The following DOK6 variants were observed in gnomAD, a reference collection of about 807,000 sequenced individuals.
The protein encoded by DOK6 is downstream of tyrosine kinase 6.
In DOK6, 22 loss-of-function variants were observed where a neutral mutation model predicts 44.0. The observed-to-expected ratio is 0.50, with a 90% CI of 0.36 to 0.71. The LOEUF (loss-of-function observed/expected upper bound fraction) is 0.71, where lower values mean the gene tolerates loss of function less well. Among genes scored for constraint, DOK6 ranks in the 30% least tolerant of loss-of-function variants. The probability of loss-of-function intolerance (pLI) is 0.00; values close to 1 mark genes in which losing one functional copy is unlikely to be tolerated. For missense variants in DOK6, 340 were observed against 416.4 expected, an observed-to-expected ratio of 0.82 and a Z score of 1.60; for synonymous variants, 166 against 145.5, an observed-to-expected ratio of 1.14 and a Z score of -1.01.
At chr18:69,513,397 C>G (rs185950326) in intron 1 of DOK6, among the ~76,000 whole-genome samples, 1 of 152,274 alleles carries the variant, frequency 6.6e-6, no homozygotes, top group African/African-American at 2.4e-5. Context: ...CACGCACACT[C>G]TCTCTCAGAG....
intron 3 of DOK6, among the ~76,000 whole-genome samples, chr18:69,633,593 A>G (rs1984737481): frequency 6.6e-6 from 1 of 152,178 alleles, no homozygotes; most frequent in Non-Finnish European, 1.5e-5. Flanking sequence ...AGTAAAACTA[A>G]TCAAAAATTT....
At chr18:69,549,406 A>AT (rs1008069392) in intron 1 of DOK6, among the ~76,000 whole-genome samples, 3 of 151,572 alleles carry the variant, frequency 2.0e-5, no homozygotes, top group African/African-American at 7.2e-5. Context: ...TCTTACTATC[A>AT]TAATGATACA....
intron 5 of DOK6, among the ~76,000 whole-genome samples, chr18:69,715,503 G>T (rs907746443): frequency 3.3e-5 from 5 of 152,214 alleles, no homozygotes; most frequent in African/African-American, 1.2e-4. Flanking sequence ...AGAGGCAGAG[G>T]CATCAATCAG....
At chr18:69,688,295 T>C (rs1183824156) in intron 4 of DOK6, among the ~76,000 whole-genome samples, 1 of 152,230 alleles carries the variant, frequency 6.6e-6, no homozygotes, top group East Asian at 1.9e-4. Flanking sequence ...ATAATCCCAG[T>C]AAACCAGACA....
rs549571311 is a variant in DOK6 at position 69,714,539 on chromosome 18, G to A, written c.599+15946G>A. On this transcript the variant is annotated intron_variant, in intron 5 of 7. Coordinates refer to ENST00000382713, the MANE Select transcript of DOK6 (RefSeq NM_152721.6). ...CAATATGCTCAAAAATAGTTTATGT[G>A]GAATAAGTAAAATAAACTTAGAACA... Among the ~76,000 whole-genome samples the A allele has an allele frequency of 2.0e-5, 3 of 152,122 alleles. No individual in the cohort carries two copies. The South Asian group carries it at 6.2e-4, about 32-fold the overall frequency.
intron 1 of DOK6, among the ~76,000 whole-genome samples, chr18:69,479,146 T>C (rs1182496297): frequency 1.3e-5 from 2 of 152,140 alleles, no homozygotes; most frequent in East Asian, 1.9e-4. Context: ...TAGTGGTTAT[T>C]ATAAACTAAA....
At chr18:69,556,174 C>T (rs546927419) in intron 1 of DOK6, among the ~76,000 whole-genome samples, 5 of 152,240 alleles carry the variant, frequency 3.3e-5, no homozygotes, top group African/African-American at 1.2e-4. Context: ...AGCCAAGATC[C>T]CTTCCTGACC....
chr18:69,759,124 A>G (rs1189565119), intron 7 of DOK6, among the ~76,000 whole-genome samples: 1 of 151,136 alleles, frequency 6.6e-6, no homozygotes, highest in Non-Finnish European at 1.5e-5. Context: ...TGTATGATAA[A>G]ATATTTAACA....
At chr18:69,624,338 T>G (rs994162299) in intron 3 of DOK6, among the ~76,000 whole-genome samples, 1 of 152,154 alleles carries the variant, frequency 6.6e-6, no homozygotes, top group Non-Finnish European at 1.5e-5. Flanking sequence ...ATATCTGAAG[T>G]ATTTTTAAGA....
At chr18:69,807,312 G>C (rs1981080988) in intron 7 of DOK6, among the ~76,000 whole-genome samples, 1 of 151,830 alleles carries the variant, frequency 6.6e-6, no homozygotes, top group Admixed American at 6.6e-5. Context: ...CAGAAAGTAA[G>C]AAATCAAAGT....
intron 2 of DOK6, among the ~76,000 whole-genome samples, chr18:69,595,781 G>A (rs1204751611): frequency 6.6e-6 from 1 of 152,058 alleles, no homozygotes; most frequent in Non-Finnish European, 1.5e-5. Context: ...TTATTTTGGT[G>A]CAAAAAATTT....
At chr18:69,795,128 A>T (rs576509329) in intron 7 of DOK6, among the ~76,000 whole-genome samples, 1 of 152,216 alleles carries the variant, frequency 6.6e-6, no homozygotes, top group African/African-American at 2.4e-5. Flanking sequence ...CCCTGGTGCT[A>T]AAAGGTTGTG....
intron 1 of DOK6, among the ~76,000 whole-genome samples, chr18:69,438,612 C>T (rs1010943641): frequency 1.3e-5 from 2 of 152,152 alleles, no homozygotes; most frequent in African/African-American, 4.8e-5. Flanking sequence ...ATGCTGAATC[C>T]TTTCCAGAAG....
intron 3 of DOK6, among the ~76,000 whole-genome samples, chr18:69,656,169 A>G (rs1985363403): frequency 6.6e-6 from 1 of 152,232 alleles, no homozygotes; most frequent in Non-Finnish European, 1.5e-5. Context: ...TGTTAGCAAC[A>G]ATAAGACAAA....
intron 3 of DOK6, among the ~76,000 whole-genome samples, chr18:69,616,869 T>G (rs1984297114): frequency 6.6e-6 from 1 of 152,226 alleles, no homozygotes; most frequent in South Asian, 2.1e-4. Flanking sequence ...TTGAATATTT[T>G]TATGCATATA....
chr18:69,584,779 G>GT (rs1016391050), intron 2 of DOK6, among the ~76,000 whole-genome samples: 38 of 147,052 alleles, frequency 2.6e-4, no homozygotes, highest in South Asian at 6.6e-4. Flanking sequence ...CAAGTTTTCT[G>GT]TTTTTTTTTC....
chr18:69,765,278 G>C (rs531034739), intron 7 of DOK6, among the ~76,000 whole-genome samples: 1 of 152,140 alleles, frequency 6.6e-6, no homozygotes, highest in Non-Finnish European at 1.5e-5. Flanking sequence ...GTAAAATGAA[G>C]CCTGATAGCC....
intron 7 of DOK6, among the ~76,000 whole-genome samples, chr18:69,762,639 CTT>C (rs1177211692): frequency 1.3e-5 from 2 of 152,176 alleles, no homozygotes; most frequent in African/African-American, 4.8e-5. Flanking sequence ...AAGCAGAAAA[CTT>C]TCATATATTT....
At chr18:69,778,285 C>T (rs1980143188) in intron 7 of DOK6, among the ~76,000 whole-genome samples, 1 of 152,030 alleles carries the variant, frequency 6.6e-6, no homozygotes, top group Admixed American at 6.6e-5. Flanking sequence ...AACTCAGGTC[C>T]TCCTAGAAGC....
Sources: allele counts gnomAD v4.1 joint callset (sites outside exome capture counted in the v4.1 genomes callset), GRCh38; gene constraint gnomAD v4.1.1; transcripts MANE v1.5; gene names NCBI Gene and HGNC (gene_info 2026-07-23, HGNC 2026-07-21).